PPFIBP1: variants seen among roughly 807,000 people sequenced by gnomAD.
PPFIBP1 encodes the protein liprin-beta-1.
PPFIBP1 carries 112 observed loss-of-function variants against 137.8 expected under a neutral mutation model. The ratio of observed to expected loss-of-function variants is 0.81; its 90% confidence interval spans 0.70 to 0.95. The LOEUF is 0.95. Among genes scored for constraint, PPFIBP1 ranks in the 40% least tolerant of loss-of-function variants. PPFIBP1 has a pLI of 0.00. For missense variants in PPFIBP1, 1,083 were observed against 1,196.6 expected (o/e 0.91, Z 1.40); for synonymous variants, 378 against 417.3 (o/e 0.91, Z 1.15).
chr12:27,592,154 A>G (rs148434123), intron 2 of PPFIBP1, among the ~76,000 whole-genome samples: 7 of 152,362 alleles, frequency 4.6e-5, no homozygotes, highest in African/African-American at 7.2e-5. Flanking sequence ...GTGTCCTCAC[A>G]CGGGAAATAG....
intron 1 of PPFIBP1, among the ~76,000 whole-genome samples, chr12:27,546,892 C>T (rs1946289534): frequency 6.6e-6 from 1 of 152,006 alleles, no homozygotes; most frequent in Non-Finnish European, 1.5e-5. Flanking sequence ...GTCCCAGCTA[C>T]CAGGGAGGAT....
intron 7 of PPFIBP1, among the ~76,000 whole-genome samples, 162 bp downstream of exon 7, chr12:27,650,303 C>A (rs2058799882): frequency 6.6e-6 from 1 of 152,204 alleles, no homozygotes; most frequent in African/African-American, 2.4e-5. Flanking sequence ...TAAGAATAAT[C>A]TTTCATTGCA....
In PPFIBP1 at chr12:27,541,355, A is replaced by G. The variant is rs117861233; in HGVS notation, c.-124+16990A>G. 2.6e-3 allele frequency among the ~76,000 whole-genome samples: 402 copies of G among 152,148 alleles called. 12 individuals carry two copies. In the East Asian group the frequency reaches 0.071, roughly 27 times the overall value. Reference sequence around the variant, plus strand: ...TGGCTTTTTCATTTCTTTTCCCTTGATAGAAGTGAGCTTACTGAAGGCAGC... The same window carrying G: ...TGGCTTTTTCATTTCTTTTCCCTTGGTAGAAGTGAGCTTACTGAAGGCAGC... On this transcript the variant is annotated intron_variant, in intron 1 of 29. Transcript: ENST00000228425.
At position 27,647,757 on chromosome 12, in the gene PPFIBP1, C is replaced by A. The variant is rs766783907; in HGVS notation, c.386C>A (p.Ala129Asp). The A allele has an allele frequency of 3.3e-5, 53 of 1,609,034 alleles. No individual in the cohort carries two copies. Among genetic ancestry groups the A allele is most frequent in the Admixed American group, 6.7e-5 (4 of 59,288 alleles). ...AGTGTGTTAACAGACCAGGTGGAGG[C>A]TCAGGGAGAGAAGATTCGAGATTTG... Reference protein sequence around the residue: ...QVSVLTDQVEAQGEKIRDLEF... With the variant: ...QVSVLTDQVEDQGEKIRDLEF... Residue 129 changes from alanine (A) to aspartate (D), a missense_variant, in exon 6 of 30, where the codon GCT (alanine) becomes GAT (aspartate). Transcript: ENST00000228425.
At chr12:27,541,388 C>T (rs2136011178) in intron 1 of PPFIBP1, among the ~76,000 whole-genome samples, 1 of 152,156 alleles carries the variant, frequency 6.6e-6, no homozygotes, top group South Asian at 2.1e-4. Context: ...AGCGGGGCTT[C>T]CATAGATTCC....
intron 6 of PPFIBP1, among the ~76,000 whole-genome samples, chr12:27,649,613 C>T (rs566057721): frequency 2.6e-5 from 4 of 152,138 alleles, no homozygotes; most frequent in South Asian, 2.1e-4. Context: ...TGCAATGGTG[C>T]GATCTCCGCT....
chr12:27,661,171 A>G (rs1237508964), intron 11 of PPFIBP1, among the ~76,000 whole-genome samples: 1 of 152,168 alleles, frequency 6.6e-6, no homozygotes, highest in Non-Finnish European at 1.5e-5. Flanking sequence ...AAAATGTTCA[A>G]ACTCTCTGAT....
intron 2 of PPFIBP1, among the ~76,000 whole-genome samples, chr12:27,591,608 G>T (rs530641939): frequency 2.7e-4 from 41 of 152,326 alleles, no homozygotes; most frequent in South Asian, 8.3e-4. Context: ...TTCCTCAGGA[G>T]AATGTCTACT....
At chr12:27,661,440 G>C (rs964547227) in intron 11 of PPFIBP1, among the ~76,000 whole-genome samples, 2 of 150,188 alleles carry the variant, frequency 1.3e-5, no homozygotes, top group African/African-American at 4.9e-5. Flanking sequence ...CTTTACGTTA[G>C]CTACACTGGC....
intron 2 of PPFIBP1, among the ~76,000 whole-genome samples, chr12:27,578,517 A>T (rs1486216424): frequency 6.6e-6 from 1 of 152,110 alleles, no homozygotes; most frequent in African/African-American, 2.4e-5. Flanking sequence ...GACTTGGTAG[A>T]ACATAAAATA....
chr12:27,597,365 AGGCTGG>A (rs2053440908), intron 2 of PPFIBP1, among the ~76,000 whole-genome samples: 1 of 152,158 alleles, frequency 6.6e-6, no homozygotes, highest in South Asian at 2.1e-4. Flanking sequence ...CATGTTGGTG[AGGCTGG>A]TCCCGAACCC....
chr12:27,558,670 T>A (rs559838343), intron 1 of PPFIBP1, among the ~76,000 whole-genome samples: 1 of 152,142 alleles, frequency 6.6e-6, no homozygotes, highest in East Asian at 1.9e-4. Context: ...ATTATGCGTA[T>A]GTTTGATCTT....
intron 1 of PPFIBP1, among the ~76,000 whole-genome samples, chr12:27,546,568 A>G (rs1946260652): frequency 6.6e-6 from 1 of 152,098 alleles, no homozygotes; most frequent in Non-Finnish European, 1.5e-5. Flanking sequence ...AGTTTTTTGG[A>G]AGATAGTGCT....
At chr12:27,545,899 T>C (rs1395231249) in intron 1 of PPFIBP1, among the ~76,000 whole-genome samples, 1 of 152,234 alleles carries the variant, frequency 6.6e-6, no homozygotes, top group African/African-American at 2.4e-5. Context: ...GTCAGAGATG[T>C]TGGACACGGT....
intron 2 of PPFIBP1, among the ~76,000 whole-genome samples, chr12:27,629,712 A>G (rs1397075107): frequency 1.3e-5 from 2 of 152,154 alleles, no homozygotes; most frequent in Non-Finnish European, 2.9e-5. Context: ...AAGCTTTTTT[A>G]TTTAGCCTTT....
chr12:27,565,013 A>G (rs571320902), intron 1 of PPFIBP1, among the ~76,000 whole-genome samples: 1 of 152,332 alleles, frequency 6.6e-6, no homozygotes, highest in Non-Finnish European at 1.5e-5. Flanking sequence ...AATAGACAGC[A>G]GTCCTTTGAT....
At chr12:27,663,895 A>G (rs1270429688) in intron 11 of PPFIBP1, among the ~76,000 whole-genome samples, 2 of 151,932 alleles carry the variant, frequency 1.3e-5, no homozygotes, top group African/African-American at 4.8e-5. Context: ...AATAGATAGG[A>G]GGTCACCTTG....
At position 27,609,993 on chromosome 12, in the gene PPFIBP1, G is replaced by A. The variant is rs1171023549; in HGVS notation, c.-35-23369G>A. The stretch of plus-strand genomic sequence containing the variant: ...ACCACTACTTGTCCTTAGCGAGCCT[G>A]TGCAATTTAGAAAATGGTGCCCCTC... On this transcript the variant is annotated intron_variant, in intron 2 of 29. Transcript: ENST00000228425. 2.0e-5 allele frequency among the ~76,000 whole-genome samples: 3 copies of A among 152,286 alleles called. No homozygotes were observed. In the East Asian group the frequency reaches 5.8e-4, roughly 29 times the overall value.
chr12:27,672,116 G>A (rs1593283216), intron 14 of PPFIBP1, among the ~76,000 whole-genome samples: 4 of 152,016 alleles, frequency 2.6e-5, no homozygotes, highest in South Asian at 2.1e-4. Context: ...TTTTATATCC[G>A]AGGTCATAGG....
Sources: gnomAD v4.1 joint callset for allele counts (sites outside exome capture counted in the v4.1 genomes callset) on GRCh38, gnomAD v4.1.1 for gene constraint, MANE v1.5 for transcripts, NCBI Gene and HGNC (gene_info 2026-07-23, HGNC 2026-07-21) for gene names.